The following VPS26A variants were observed in gnomAD, a reference collection of about 807,000 sequenced individuals.
VPS26A encodes vacuolar protein sorting-associated protein 26A.
In VPS26A, 22 loss-of-function variants were observed where a neutral mutation model predicts 42.4. That is an observed-to-expected ratio of 0.52 (90% CI 0.37 to 0.74). The LOEUF (loss-of-function observed/expected upper bound fraction) is 0.74, where lower values mean the gene tolerates loss of function less well. Ranked by LOEUF, VPS26A falls within the 30% of genes least tolerant of loss-of-function variation. VPS26A has a pLI of 0.00. For synonymous variants in VPS26A, 110 were observed against 123.5 expected (o/e 0.89, Z 0.73); for missense variants, 276 against 379.2 (o/e 0.73, Z 2.26).
At chr10:69,125,323 CT>C (rs56888955) in intron 1 of VPS26A, among the ~76,000 whole-genome samples, 70,795 of 152,080 alleles carry the variant, frequency 0.47, 18,781 homozygotes, top group Middle Eastern at 0.71. Context: ...ATTCTTAGAG[CT>C]TTTTTTCTTT....
intron 8 of VPS26A, chr10:69,170,234 T>C (rs1291079535): frequency 6.6e-6 from 1 of 152,196 alleles, no homozygotes; most frequent in Non-Finnish European, 1.5e-5. Flanking sequence ...TTGACAGTAA[T>C]TTAGAAGAGA....
chr10:69,125,723 A>G (rs1840636738), intron 1 of VPS26A, among the ~76,000 whole-genome samples: 1 of 152,246 alleles, frequency 6.6e-6, no homozygotes, highest in African/African-American at 2.4e-5. Flanking sequence ...GATGTAATAT[A>G]TGTATGAAAA....
chr10:69,142,120 T>C (rs1841055023), intron 2 of VPS26A, among the ~76,000 whole-genome samples: 1 of 151,538 alleles, frequency 6.6e-6, no homozygotes, highest in African/African-American at 2.4e-5. Flanking sequence ...CTTGACCTCA[T>C]GATCTGCCTG....
chr10:69,150,938 G>T (rs1159752442), intron 2 of VPS26A, among the ~76,000 whole-genome samples: 2 of 151,948 alleles, frequency 1.3e-5, no homozygotes, highest in Non-Finnish European at 2.9e-5. Flanking sequence ...ATTATAATAA[G>T]AAGTTAGAAA....
chr10:69,170,212 T>A (rs1054686538), intron 8 of VPS26A: 8 of 152,220 alleles, frequency 5.3e-5, no homozygotes, highest in African/African-American at 1.4e-4. Flanking sequence ...AACAGAATAC[T>A]TAAATAATAG....
chr10:69,154,910 T>C (rs114366609), intron 2 of VPS26A, among the ~76,000 whole-genome samples: 10 of 143,382 alleles, frequency 7.0e-5, no homozygotes, highest in Admixed American at 6.1e-4. Flanking sequence ...CGTGCACATA[T>C]ATATATTTTT....
intron 2 of VPS26A, among the ~76,000 whole-genome samples, chr10:69,138,346 T>C (rs1304696908): frequency 1.3e-5 from 2 of 152,240 alleles, no homozygotes; most frequent in Non-Finnish European, 2.9e-5. Context: ...GTAGCAGTTT[T>C]GTGTGGACCT....
chr10:69,153,046 GT>G (rs1225536571), intron 2 of VPS26A, among the ~76,000 whole-genome samples: 75 of 137,076 alleles, frequency 5.5e-4, no homozygotes, highest in East Asian at 1.3e-3. Context: ...ATGTTAAGTT[GT>G]TTTTTTTTTT....
At chr10:69,153,898 C>T (rs1279850592) in intron 2 of VPS26A, among the ~76,000 whole-genome samples, 3 of 152,122 alleles carry the variant, frequency 2.0e-5, no homozygotes, top group Non-Finnish European at 4.4e-5. Flanking sequence ...TAGTAGCCAG[C>T]ACAGGGCTGG....
At chr10:69,143,874 G>A (rs1841097910) in intron 2 of VPS26A, among the ~76,000 whole-genome samples, 1 of 151,988 alleles carries the variant, frequency 6.6e-6, no homozygotes, top group South Asian at 2.1e-4. Context: ...ACACCACCAT[G>A]CTCAGCTAAT....
intron 8 of VPS26A, chr10:69,170,022 T>G (rs1444970425): frequency 2.0e-5 from 3 of 152,242 alleles, no homozygotes; most frequent in Non-Finnish European, 2.9e-5. Context: ...AATGGTCTTT[T>G]GTATTCTGAA....
intron 2 of VPS26A, chr10:69,133,655 TTGTTTTGGG>T: frequency 8.0e-7 from 1 of 1,249,574 alleles, no homozygotes; most frequent in South Asian, 1.3e-5. Flanking sequence ...ATACGGTTTT[TTGTTTTGGG>T]TTTTTTGGGT....
At chr10:69,144,082 T>C (rs1011942629) in intron 2 of VPS26A, among the ~76,000 whole-genome samples, 2 of 151,158 alleles carry the variant, frequency 1.3e-5, no homozygotes, top group Non-Finnish European at 2.9e-5. Flanking sequence ...GTTCTACTCC[T>C]AGATACATAC....
intron 6 of VPS26A, among the ~76,000 whole-genome samples, chr10:69,164,173 TCTTA>T (rs1287181961): frequency 1.4e-4 from 21 of 152,090 alleles, no homozygotes; most frequent in Non-Finnish European, 4.4e-5. Flanking sequence ...CTATTCTTTT[TCTTA>T]CTTATGTGTA....
chr10:69,129,869 T>C (rs1168525481), intron 1 of VPS26A, among the ~76,000 whole-genome samples: 2 of 152,208 alleles, frequency 1.3e-5, no homozygotes, highest in Non-Finnish European at 2.9e-5. Context: ...ATCTGGTAAT[T>C]CTTTTAGTTG....
At chr10:69,153,802 C>T (rs1176792201) in intron 2 of VPS26A, among the ~76,000 whole-genome samples, 1 of 152,142 alleles carries the variant, frequency 6.6e-6, no homozygotes, top group African/African-American at 2.4e-5. Flanking sequence ...GAGACTCCAC[C>T]TGATTCTCTG....
At chr10:69,159,959 C>T (rs1400980944) in intron 5 of VPS26A, among the ~76,000 whole-genome samples, 4 of 151,982 alleles carry the variant, frequency 2.6e-5, no homozygotes, top group Non-Finnish European at 5.9e-5. Flanking sequence ...CCCTTTCATA[C>T]CCCAGTCTTT....
chr10:69,171,674 A>G lies in VPS26A; in HGVS notation c.*405A>G, dbSNP rs1423668364. ...CTAATGATTACCTCTTATTCTCTACATGCAAAAAATTAAATATTTTGTGTT... is the reference window on the plus strand; with the variant it reads ...CTAATGATTACCTCTTATTCTCTACGTGCAAAAAATTAAATATTTTGTGTT... On this transcript the variant is annotated 3_prime_UTR_variant, in exon 9 of 9. Coordinates refer to ENST00000263559, the MANE Select transcript of VPS26A (RefSeq NM_004896.5). 1.3e-5 allele frequency: 2 copies of G among 154,064 alleles called. No individual in the cohort carries two copies. Among genetic ancestry groups the G allele is most frequent in the Admixed American group, 1.3e-4 (2 of 15,296 alleles). 9.5% of individuals were successfully genotyped at this position (154,064 alleles called of 1,614,324 possible). A position where few individuals can be genotyped will look rare whatever the true frequency, so the allele number is the denominator to read the frequency against.
At chr10:69,142,503 T>A (rs1274925435) in intron 2 of VPS26A, among the ~76,000 whole-genome samples, 6 of 152,070 alleles carry the variant, frequency 3.9e-5, no homozygotes, top group African/African-American at 1.4e-4. Flanking sequence ...CAAGGATTAT[T>A]TGAAAGATTA....
Sources: allele counts gnomAD v4.1 joint callset (sites outside exome capture counted in the v4.1 genomes callset), GRCh38; gene constraint gnomAD v4.1.1; transcripts MANE v1.5; gene names NCBI Gene and HGNC (gene_info 2026-07-23, HGNC 2026-07-21).